LRP1B: variants seen among roughly 807,000 people sequenced by gnomAD.
LRP1B encodes low-density lipoprotein receptor-related protein 1B.
LRP1B carries 217 observed loss-of-function variants against 556.6 expected under a neutral mutation model. The observed-to-expected ratio is 0.39, with a 90% confidence interval of 0.35 to 0.44. The LOEUF (loss-of-function observed/expected upper bound fraction) is 0.44. LRP1B is among the 20% of genes least tolerant of loss of function. The probability of loss-of-function intolerance (pLI) is 1.00; values close to 1 mark genes in which losing one functional copy is unlikely to be tolerated. For missense variants in LRP1B, 5,053 were observed against 5,620.8 expected, an observed-to-expected ratio of 0.90 and a Z score of 3.23; for synonymous variants, 2,047 against 1,865.8, an observed-to-expected ratio of 1.10 and a Z score of -2.50.
chr2:141,400,919 A>C lies in LRP1B; in HGVS notation c.343+79477T>G, dbSNP rs72985130. Among the ~76,000 whole-genome samples, 1,132 of 152,278 alleles carry C rather than the reference A, an allele frequency of 7.4e-3. 18 individuals are homozygous for C. Among genetic ancestry groups the C allele is most frequent in the African/African-American group, 0.026 (1,061 of 41,556 alleles). On this transcript the variant is annotated intron_variant, in intron 3 of 90. Coordinates refer to ENST00000389484, the MANE Select transcript of LRP1B (RefSeq NM_018557.3). ...TTATCAATCAAGCCTTACATACCAC[A>C]ATTCCAATATAGATGCATCATTCCA... is the stretch of plus-strand genomic sequence containing the variant.
chr2:141,992,236 A>G (rs1702367582), intron 1 of LRP1B, among the ~76,000 whole-genome samples: 1 of 152,166 alleles, frequency 6.6e-6, no homozygotes, highest in Admixed American at 6.6e-5. Flanking sequence ...AACTGGGAGC[A>G]TATCTACGCA....
chr2:141,312,568 G>A (rs1011371974), intron 3 of LRP1B, among the ~76,000 whole-genome samples: 5 of 152,090 alleles, frequency 3.3e-5, no homozygotes, highest in Non-Finnish European at 7.4e-5. Flanking sequence ...TTAAGTGGTT[G>A]TGACAAGAAT....
chr2:142,015,356 T>G (rs1247963799), intron 1 of LRP1B, among the ~76,000 whole-genome samples: 1 of 152,084 alleles, frequency 6.6e-6, no homozygotes, highest in African/African-American at 2.4e-5. Flanking sequence ...TCTTACATCT[T>G]ACACAAAAAT....
intron 7 of LRP1B, among the ~76,000 whole-genome samples, chr2:141,116,398 G>A (rs906272417): frequency 1.3e-5 from 2 of 152,050 alleles, no homozygotes; most frequent in Non-Finnish European, 2.9e-5. Context: ...ATATTCCTAG[G>A]CAATTTAGGT....
rs1693012596 is a variant in LRP1B at position 140,868,203 on chromosome 2, A to T, written c.4230T>A (p.Ser1410Arg). 6.2e-7 allele frequency: 1 copy of T among 1,608,762 alleles called. No homozygotes were observed. Among genetic ancestry groups the T allele is most frequent in the Non-Finnish European group, 8.5e-7 (1 of 1,177,762 alleles). Reference sequence around the variant, plus strand: ...TATAGATGGTTTTTCTCCCAGCACCACTCATAGAGGCAGATTCAATGCGAG... The same window carrying T: ...TATAGATGGTTTTTCTCCCAGCACCTCTCATAGAGGCAGATTCAATGCGAG... The part of the protein sequence containing the change: ...NFPRIESASM[S>R]GAGRKTIYKD... The change falls in exon 26 of 91, where the codon AGT (serine) becomes AGA (arginine). Residue 1410 changes from serine (S) to arginine (R), a missense_variant. Physicochemically the swap from Ser to Arg is moderately radical, Grantham distance 110 (BLOSUM62 -1). Around this residue, in one of 5 missense-constraint regions of LRP1B, gnomAD observed 3,619 missense variants for 3,931.9 expected, o/e 0.92. Transcript: ENST00000389484.
chr2:140,999,055 T>C (rs923298771), intron 15 of LRP1B, among the ~76,000 whole-genome samples: 1 of 152,072 alleles, frequency 6.6e-6, no homozygotes, highest in African/African-American at 2.4e-5. Context: ...TGCAGTTTAT[T>C]TTTTTCATCT....
At chr2:141,906,522 A>G (rs1400272581) in intron 1 of LRP1B, among the ~76,000 whole-genome samples, 1 of 152,022 alleles carries the variant, frequency 6.6e-6, no homozygotes, top group Non-Finnish European at 1.5e-5. Context: ...AATTGTTACA[A>G]TACTGAATCT....
At chr2:142,058,819 T>A (rs1470397473) in intron 1 of LRP1B, among the ~76,000 whole-genome samples, 1 of 152,084 alleles carries the variant, frequency 6.6e-6, no homozygotes, top group Non-Finnish European at 1.5e-5. Flanking sequence ...TAATTAGTTT[T>A]AACACACAGC....
At chr2:140,367,959 C>T (rs893268117) in intron 71 of LRP1B, among the ~76,000 whole-genome samples, 1 of 151,672 alleles carries the variant, frequency 6.6e-6, no homozygotes, top group African/African-American at 2.4e-5. Context: ...GTTGGATATG[C>T]CACTGATTTA....
At chr2:140,680,738 T>C (rs1355177901) in intron 41 of LRP1B, among the ~76,000 whole-genome samples, 1 of 152,124 alleles carries the variant, frequency 6.6e-6, no homozygotes, top group Non-Finnish European at 1.5e-5. Context: ...TCTCTAGGTG[T>C]CAATGAACAT....
chr2:140,499,157 T>G (rs1432846448), intron 55 of LRP1B, among the ~76,000 whole-genome samples: 1 of 151,902 alleles, frequency 6.6e-6, no homozygotes, highest in African/African-American at 2.4e-5. Flanking sequence ...TCAAGATACT[T>G]AAAATAAGCA....
chr2:141,259,589 C>T (rs1465567163), intron 3 of LRP1B, among the ~76,000 whole-genome samples: 3 of 152,306 alleles, frequency 2.0e-5, no homozygotes, highest in East Asian at 1.9e-4. Flanking sequence ...TGGGATGGCA[C>T]AAGCCCACAA....
At chr2:141,715,295 C>G (rs548418453) in intron 2 of LRP1B, among the ~76,000 whole-genome samples, 1 of 150,978 alleles carries the variant, frequency 6.6e-6, no homozygotes, top group Non-Finnish European at 1.5e-5. Context: ...TAGTGAGACC[C>G]TATCTCTTCA....
chr2:141,416,943 C>T (rs999587345), intron 3 of LRP1B, among the ~76,000 whole-genome samples: 4 of 152,162 alleles, frequency 2.6e-5, no homozygotes, highest in African/African-American at 4.8e-5. Context: ...CACTGGGGAA[C>T]AAGTTGGAAA....
chr2:141,396,272 T>C (rs1287353849), intron 3 of LRP1B, among the ~76,000 whole-genome samples: 1 of 152,222 alleles, frequency 6.6e-6, no homozygotes, highest in Non-Finnish European at 1.5e-5. Flanking sequence ...TCAAGTTTAG[T>C]GTTGATTTTC....
At chr2:141,790,209 C>T (rs1337035619) in intron 2 of LRP1B, among the ~76,000 whole-genome samples, 1 of 151,732 alleles carries the variant, frequency 6.6e-6, no homozygotes, top group African/African-American at 2.4e-5. Flanking sequence ...GAAAAATTAC[C>T]AGTCTTTACT....
At chr2:141,984,013 A>G (rs1323959932) in intron 1 of LRP1B, among the ~76,000 whole-genome samples, 1 of 152,130 alleles carries the variant, frequency 6.6e-6, no homozygotes, top group Non-Finnish European at 1.5e-5. Context: ...GTGAACCAAG[A>G]TCGTACCATT....
chr2:140,886,343 T>G lies in LRP1B; in HGVS notation c.3767-8A>C. The G allele has an allele frequency of 6.7e-7, 1 of 1,497,524 alleles. No homozygotes were observed. The highest frequency in any genetic ancestry group is 2.0e-5 in the Admixed American group (1 of 51,040). 92.8% of individuals were successfully genotyped at this position (1,497,524 alleles called of 1,614,324 possible). A position where few individuals can be genotyped will look rare whatever the true frequency, so the allele number is the denominator to read the frequency against. On this transcript the variant is annotated splice_region_variant and splice_polypyrimidine_tract_variant and intron_variant, in intron 23 of 90. Transcript: ENST00000389484. ...TGAATGCTTCAAAAGGATCTGAAAT[T>G]AAATTTATTTTTAATAGGCTTATGA...
Position 141,540,892 on chromosome 2 carries a change from A to G in LRP1B, c.206-60359T>C, listed in dbSNP as rs899789963. Among the ~76,000 whole-genome samples, 9 of 152,140 alleles carry G rather than the reference A, an allele frequency of 5.9e-5. No individual in the cohort carries two copies. The East Asian group carries it at 1.5e-3, about 26-fold the overall frequency. On this transcript the variant is annotated intron_variant, in intron 2 of 90. Coordinates refer to ENST00000389484, the MANE Select transcript of LRP1B (RefSeq NM_018557.3). ...TGTCAATAGTGGTGAATCATGCTCT[A>G]CATTTTTAGTTCGCACAAATAAATA...
Sources: gnomAD v4.1 joint callset for allele counts (sites outside exome capture counted in the v4.1 genomes callset) on GRCh38, gnomAD v4.1.1 for gene constraint, gnomAD v4.1.1 regional missense constraint, MANE v1.5 for transcripts, NCBI Gene and HGNC (gene_info 2026-07-23, HGNC 2026-07-21) for gene names.